The following GLI3 variants were observed in gnomAD, a reference collection of about 807,000 sequenced individuals.
GLI3 encodes transcription activator GLI3.
In GLI3, 20 loss-of-function variants were observed where a neutral mutation model predicts 100.8. The observed-to-expected ratio is 0.20, with a 90% CI of 0.14 to 0.29. The LOEUF is 0.29. Among genes scored for constraint, GLI3 ranks in the 10% least tolerant of loss-of-function variants. GLI3 has a pLI of 1.00. For missense variants in GLI3, 2,040 were observed against 2,128.5 expected (o/e 0.96, Z 0.82); for synonymous variants, 938 against 860.5 (o/e 1.09, Z -1.58).
At chr7:42,244,888 C>T (rs1200167420) in intron 1 of GLI3, among the ~76,000 whole-genome samples, 4 of 152,158 alleles carry the variant, frequency 2.6e-5, no homozygotes, top group African/African-American at 9.7e-5. Flanking sequence ...AAGGCTTTCA[C>T]TTGGACAAGG....
intron 10 of GLI3, among the ~76,000 whole-genome samples, chr7:42,018,190 C>T (rs549488677): frequency 1.3e-5 from 2 of 152,152 alleles, no homozygotes; most frequent in Non-Finnish European, 2.9e-5. Context: ...TTAAAGAGAA[C>T]GTGACCCTTA....
At chr7:42,014,009 G>A (rs1005346487) in intron 10 of GLI3, among the ~76,000 whole-genome samples, 4 of 152,132 alleles carry the variant, frequency 2.6e-5, no homozygotes, top group African/African-American at 7.2e-5. Flanking sequence ...AACTGTACTC[G>A]TAAAACATCT....
intron 2 of GLI3, among the ~76,000 whole-genome samples, chr7:42,218,154 T>C (rs1788413363): frequency 6.6e-6 from 1 of 152,158 alleles, no homozygotes; most frequent in Non-Finnish European, 1.5e-5. Flanking sequence ...GTATCTGTCA[T>C]GTGCCAGGAA....
chr7:42,009,552 T>C (rs1333027239), intron 10 of GLI3, among the ~76,000 whole-genome samples: 1 of 150,244 alleles, frequency 6.7e-6, no homozygotes, highest in Non-Finnish European at 1.5e-5. Context: ...TTGTAAGGAA[T>C]TGCAGTCCTG....
chr7:42,046,977 G>A (rs1437391994), intron 5 of GLI3, among the ~76,000 whole-genome samples: 5 of 152,090 alleles, frequency 3.3e-5, no homozygotes, highest in African/African-American at 4.8e-5. Flanking sequence ...GCAACATGGC[G>A]AAACGCTGTC....
intron 7 of GLI3, among the ~76,000 whole-genome samples, chr7:42,027,289 T>C (rs930088932): frequency 2.6e-5 from 4 of 152,214 alleles, no homozygotes; most frequent in African/African-American, 9.6e-5. Context: ...TTAAGGAATT[T>C]GCCAATGGCT....
At chr7:42,257,503 C>T (rs1183266176) in intron 1 of GLI3, among the ~76,000 whole-genome samples, 1 of 152,100 alleles carries the variant, frequency 6.6e-6, no homozygotes, top group Non-Finnish European at 1.5e-5. Context: ...CGCCACCACA[C>T]GTGGCTAATT....
At chr7:42,058,152 C>CA (rs1387238920) in intron 4 of GLI3, among the ~76,000 whole-genome samples, 2 of 152,042 alleles carry the variant, frequency 1.3e-5, no homozygotes, top group African/African-American at 4.8e-5. Context: ...AAAACTGGCA[C>CA]AAAAGAATAT....
At chr7:41,984,448 C>T (rs932831174) in intron 10 of GLI3, among the ~76,000 whole-genome samples, 19 of 152,246 alleles carry the variant, frequency 1.2e-4, no homozygotes, top group African/African-American at 4.6e-4. Context: ...TTCTCTGGAT[C>T]GATAAGTGTC....
At chr7:42,007,916 TAAA>T (rs1001641196) in intron 10 of GLI3, among the ~76,000 whole-genome samples, 1 of 133,918 alleles carries the variant, frequency 7.5e-6, no homozygotes, top group African/African-American at 2.5e-5. Context: ...AAAATTAAAA[TAAA>T]GAAGGAAAAG....
At chr7:42,221,266 G>T (rs1788482156) in intron 2 of GLI3, among the ~76,000 whole-genome samples, 1 of 152,192 alleles carries the variant, frequency 6.6e-6, no homozygotes, top group Non-Finnish European at 1.5e-5. Context: ...GACCTCCTGA[G>T]AATGTGTCCA....
At chr7:42,259,360 G>T (rs1308826710) in intron 1 of GLI3, among the ~76,000 whole-genome samples, 1 of 152,140 alleles carries the variant, frequency 6.6e-6, no homozygotes, top group African/African-American at 2.4e-5. Context: ...TATCTTTAGG[G>T]CTTAGAACTC....
intron 13 of GLI3, among the ~76,000 whole-genome samples, chr7:41,968,686 G>GAAGAAAGAAAGAAAGA (rs748578300): frequency 7.9e-5 from 6 of 76,124 alleles, no homozygotes; most frequent in African/African-American, 2.3e-4. Flanking sequence ...AAGAAAGAAA[G>GAAGAAAGAAAGAAAGA]AAGAAAGAAA....
intron 13 of GLI3, among the ~76,000 whole-genome samples, chr7:41,968,685 A>G (rs1398144783): frequency 8.5e-6 from 1 of 118,326 alleles, no homozygotes; most frequent in Admixed American, 9.7e-5. Flanking sequence ...AAAGAAAGAA[A>G]GAAGAAAGAA....
intron 3 of GLI3, among the ~76,000 whole-genome samples, chr7:42,084,781 A>C (rs1046183349): frequency 6.6e-6 from 1 of 152,180 alleles, no homozygotes; most frequent in East Asian, 1.9e-4. Flanking sequence ...ACAATAAATA[A>C]GCTTGGAAAT....
chr7:42,028,962 G>A (rs1789204777), intron 7 of GLI3, among the ~76,000 whole-genome samples: 1 of 152,074 alleles, frequency 6.6e-6, no homozygotes, highest in Admixed American at 6.6e-5. Context: ...CCCATTCAGG[G>A]CCTCCACCTT....
At chr7:42,212,572 C>T (rs371813533) in intron 2 of GLI3, among the ~76,000 whole-genome samples, 1 of 152,134 alleles carries the variant, frequency 6.6e-6, no homozygotes, top group African/African-American at 2.4e-5. Flanking sequence ...TGAAGAAAAA[C>T]ACAATTATTG....
At chr7:42,235,661 GA>G (rs1788775034) in intron 1 of GLI3, among the ~76,000 whole-genome samples, 1 of 152,176 alleles carries the variant, frequency 6.6e-6, no homozygotes, top group Admixed American at 6.5e-5. Context: ...AGGAAAAGGG[GA>G]GCAGGAGGTA....
chr7:42,244,046 C>A (rs113596678), intron 1 of GLI3, among the ~76,000 whole-genome samples: 2,779 of 152,250 alleles, frequency 0.018, 29 homozygotes, highest in South Asian at 0.036. Flanking sequence ...GTTGGCCAGG[C>A]TGGTCTCGAA....
Sources: gnomAD v4.1 joint callset for allele counts (sites outside exome capture counted in the v4.1 genomes callset) on GRCh38, gnomAD v4.1.1 for gene constraint, MANE v1.5 for transcripts, NCBI Gene and HGNC (gene_info 2026-07-23, HGNC 2026-07-21) for gene names.